The following ADCY8 variants were observed in gnomAD, a reference collection of about 807,000 sequenced individuals.
The protein encoded by ADCY8 is adenylate cyclase 8, also known as adenylate cyclase type 8.
In ADCY8, 51 loss-of-function variants were observed where a neutral mutation model predicts 119.7. The observed-to-expected ratio is 0.43, with a 90% CI of 0.34 to 0.54. The LOEUF (loss-of-function observed/expected upper bound fraction) is 0.54, where lower values mean the gene tolerates loss of function less well. Among genes scored for constraint, ADCY8 ranks in the 20% least tolerant of loss-of-function variants. The pLI, the probability that ADCY8 is intolerant of heterozygous loss-of-function variation, is 0.03. For missense variants in ADCY8, 1,383 were observed against 1,598.8 expected (o/e 0.87, Z 2.30); for synonymous variants, 665 against 651.0 (o/e 1.02, Z -0.33).
intron 13 of ADCY8, among the ~76,000 whole-genome samples, chr8:130,816,511 C>T (rs928246182): frequency 2.0e-5 from 3 of 150,482 alleles, no homozygotes; most frequent in Non-Finnish European, 4.4e-5. Flanking sequence ...CTGCAAGCTC[C>T]GCCCCTCGGG....
At chr8:130,939,689 T>C (rs1309432413) in intron 4 of ADCY8, among the ~76,000 whole-genome samples, 1 of 152,206 alleles carries the variant, frequency 6.6e-6, no homozygotes, top group East Asian at 1.9e-4. Context: ...CAATTCCTCA[T>C]ATGTGACAAG....
At chr8:130,899,271 T>C (rs574418733) in intron 7 of ADCY8, among the ~76,000 whole-genome samples, 17 of 152,226 alleles carry the variant, frequency 1.1e-4, no homozygotes, top group South Asian at 2.1e-4. Context: ...ATTACACTTA[T>C]ATGTTTTGAT....
At chr8:130,965,591 C>A (rs1821737995) in intron 2 of ADCY8, among the ~76,000 whole-genome samples, 1 of 152,172 alleles carries the variant, frequency 6.6e-6, no homozygotes, top group Non-Finnish European at 1.5e-5. Context: ...TATGTTCTTA[C>A]AACATACTAA....
In ADCY8 at chr8:131,009,922, G is replaced by A. The variant is rs113949490; in HGVS notation, c.961-19380C>T. On this transcript the variant is annotated intron_variant, in intron 1 of 17. Coordinates refer to ENST00000286355, the MANE Select transcript of ADCY8 (RefSeq NM_001115.3). ...AGAATAGGATGGTAAGGTTGGAGTGGCTGCACATGGTTGGGGAAGCAAGGA... is the reference window on the plus strand; with the variant it reads ...AGAATAGGATGGTAAGGTTGGAGTGACTGCACATGGTTGGGGAAGCAAGGA... Among the ~76,000 whole-genome samples the A allele has an allele frequency of 2.2e-3, 334 of 152,218 alleles. 1 individual carries two copies. Among genetic ancestry groups the A allele is most frequent in the African/African-American group, 7.8e-3 (323 of 41,534 alleles).
At chr8:130,897,760 CACACATACATCCATATAT>C (rs1819450725) in intron 7 of ADCY8, among the ~76,000 whole-genome samples, 1 of 5,710 alleles carries the variant, frequency 1.8e-4, no homozygotes, top group African/African-American at 7.2e-4. Context: ...ACATACATAC[CACACATACATCCATATAT>C]ACACACATCT....
At chr8:130,798,178 T>C (rs931620673) in intron 15 of ADCY8, among the ~76,000 whole-genome samples, 7 of 152,242 alleles carry the variant, frequency 4.6e-5, no homozygotes, top group Admixed American at 1.3e-4. Context: ...GTTTCTACCC[T>C]AGAACTAAGT....
chr8:130,787,849 T>C (rs1419910446), intron 15 of ADCY8, among the ~76,000 whole-genome samples: 1 of 151,950 alleles, frequency 6.6e-6, no homozygotes, highest in Non-Finnish European at 1.5e-5. Flanking sequence ...CATTTGTGTG[T>C]AGTCATGCAC....
At chr8:130,940,152 T>A (rs1173129416) in intron 4 of ADCY8, among the ~76,000 whole-genome samples, 1 of 152,188 alleles carries the variant, frequency 6.6e-6, no homozygotes. Context: ...TCACGTGTCA[T>A]CTTACGGATG....
intron 15 of ADCY8, among the ~76,000 whole-genome samples, chr8:130,796,940 C>T (rs956943069): frequency 5.3e-5 from 8 of 152,200 alleles, no homozygotes; most frequent in Middle Eastern, 3.4e-3. Context: ...CCCTGTTTTC[C>T]AACTTCCCTC....
chr8:130,946,908 G>A (rs1821121116), intron 3 of ADCY8, among the ~76,000 whole-genome samples: 1 of 152,126 alleles, frequency 6.6e-6, no homozygotes, highest in South Asian at 2.1e-4. Context: ...CAGAAGCACT[G>A]GTTTAAGTCA....
At chr8:130,888,494 C>G (rs1289069837) in intron 7 of ADCY8, among the ~76,000 whole-genome samples, 1 of 151,972 alleles carries the variant, frequency 6.6e-6, no homozygotes, top group African/African-American at 2.4e-5. Context: ...TGAGTTTTTT[C>G]CCAAAATGAT....
At chr8:130,912,411 T>C (rs891723419) in intron 5 of ADCY8, among the ~76,000 whole-genome samples, 3 of 152,162 alleles carry the variant, frequency 2.0e-5, no homozygotes, top group Admixed American at 1.3e-4. Flanking sequence ...AGCTTTTTGG[T>C]AAAGAGTATA....
intron 13 of ADCY8, among the ~76,000 whole-genome samples, chr8:130,816,640 T>C (rs901817318): frequency 2.6e-5 from 4 of 152,060 alleles, no homozygotes; most frequent in Non-Finnish European, 4.4e-5. Flanking sequence ...TTAGCCAGGA[T>C]GGTCTTGATC....
At chr8:130,937,516 G>A (rs1820823607) in intron 4 of ADCY8, among the ~76,000 whole-genome samples, 1 of 152,158 alleles carries the variant, frequency 6.6e-6, no homozygotes. Flanking sequence ...GCCTGACAGA[G>A]TGCTCATAGT....
intron 8 of ADCY8, among the ~76,000 whole-genome samples, chr8:130,879,732 T>C (rs1392127073): frequency 6.6e-6 from 1 of 152,216 alleles, no homozygotes; most frequent in Non-Finnish European, 1.5e-5. Flanking sequence ...AGATAGTATG[T>C]AAATACTAAA....
intron 1 of ADCY8, among the ~76,000 whole-genome samples, chr8:131,016,537 G>A (rs1823479833): frequency 6.6e-6 from 1 of 152,098 alleles, no homozygotes; most frequent in Admixed American, 6.5e-5. Context: ...AATGTCACAG[G>A]AGGAGCTCTC....
At chr8:130,803,465 C>A (rs988487603) in intron 14 of ADCY8, among the ~76,000 whole-genome samples, 3 of 152,148 alleles carry the variant, frequency 2.0e-5, no homozygotes, top group South Asian at 4.1e-4. Context: ...ATGTATCATG[C>A]GATTAGTAGT....
intron 9 of ADCY8, among the ~76,000 whole-genome samples, chr8:130,864,165 A>G (rs982063243): frequency 4.6e-5 from 7 of 152,144 alleles, no homozygotes; most frequent in Admixed American, 2.0e-4. Flanking sequence ...AGTCTGATGT[A>G]ATTCTTATCC....
intron 15 of ADCY8, among the ~76,000 whole-genome samples, chr8:130,785,807 A>C (rs1306200088): frequency 6.6e-6 from 1 of 152,124 alleles, no homozygotes; most frequent in Non-Finnish European, 1.5e-5. Flanking sequence ...CTTCACTGTG[A>C]CTTGCAAGGC....
Sources: allele counts gnomAD v4.1 joint callset (sites outside exome capture counted in the v4.1 genomes callset), GRCh38; gene constraint gnomAD v4.1.1; transcripts MANE v1.5; gene names NCBI Gene and HGNC (gene_info 2026-07-23, HGNC 2026-07-21).